Variants in SORCS2 observed in about 807,000 individuals in gnomAD.
SORCS2 encodes sortilin related VPS10 domain containing receptor 2.
A neutral mutation model predicts 141.6 loss-of-function variants in SORCS2; 100 were observed. The observed-to-expected ratio is 0.71, with a 90% CI of 0.60 to 0.83. SORCS2 has a LOEUF of 0.83. Among genes scored for constraint, SORCS2 ranks in the 40% least tolerant of loss-of-function variants. SORCS2 has a pLI of 0.00. For missense variants in SORCS2, 1,646 were observed against 1,560.2 expected, an observed-to-expected ratio of 1.05 and a Z score of -0.93; for synonymous variants, 789 against 676.9, an observed-to-expected ratio of 1.17 and a Z score of -2.57.
At chr4:7,195,022 G>T (rs1350063812) in intron 1 of SORCS2, among the ~76,000 whole-genome samples, 1 of 151,972 alleles carries the variant, frequency 6.6e-6, no homozygotes, top group African/African-American at 2.4e-5. Flanking sequence ...TCCTGGGAGA[G>T]AGTTGAGGAG....
chr4:7,461,818 T>G (rs2109324763), intron 2 of SORCS2, among the ~76,000 whole-genome samples: 1 of 152,076 alleles, frequency 6.6e-6, no homozygotes. Flanking sequence ...AACCCACACA[T>G]CAAGCCCCAC....
Position 7,615,887 on chromosome 4 carries a change from A to C in SORCS2, c.649-22441A>C, listed in dbSNP as rs145756191. Reference sequence around the variant, plus strand: ...ATAGGGCTGCCAGCTTAAACAAAGAACTTTTTAAAGGATGCACAGTTAAAT... The same window carrying C: ...ATAGGGCTGCCAGCTTAAACAAAGACCTTTTTAAAGGATGCACAGTTAAAT... On this transcript the variant is annotated intron_variant, in intron 3 of 26. Coordinates refer to ENST00000507866, the MANE Select transcript of SORCS2 (RefSeq NM_020777.3). Among the ~76,000 whole-genome samples, 268 of 152,330 alleles carry C rather than the reference A, an allele frequency of 1.8e-3. 4 individuals are homozygous for C. Among genetic ancestry groups the C allele is most frequent in the African/African-American group, 6.1e-3 (255 of 41,558 alleles).
At chr4:7,656,049 A>C (rs1459665171) in intron 5 of SORCS2, among the ~76,000 whole-genome samples, 1 of 152,218 alleles carries the variant, frequency 6.6e-6, no homozygotes, top group Non-Finnish European at 1.5e-5. Context: ...GCGTGGTGAC[A>C]GCGGTGGGGA....
At chr4:7,585,062 T>A (rs1009470049) in intron 3 of SORCS2, among the ~76,000 whole-genome samples, 3 of 151,846 alleles carry the variant, frequency 2.0e-5, no homozygotes, top group Admixed American at 2.0e-4. Flanking sequence ...CATGTCAGAG[T>A]CTCAGAAATT....
In SORCS2 at chr4:7,636,165, C is replaced by T. The variant is rs142985649; in HGVS notation, c.649-2163C>T. ...GCTTAAATGCCCCATTCTGCGTAGGCGCACCCTGCAGTGTGTGGCTAAGAA... is the reference window on the plus strand; with the variant it reads ...GCTTAAATGCCCCATTCTGCGTAGGTGCACCCTGCAGTGTGTGGCTAAGAA... On this transcript the variant is annotated intron_variant, in intron 3 of 26. Coordinates refer to ENST00000507866, the MANE Select transcript of SORCS2 (RefSeq NM_020777.3). Among the ~76,000 whole-genome samples the T allele has an allele frequency of 1.3e-3, 202 of 152,318 alleles. 1 individual carries two copies. The highest frequency in any genetic ancestry group is 4.7e-3 in the African/African-American group (194 of 41,556).
chr4:7,665,261 G>T (rs909856925), intron 7 of SORCS2, among the ~76,000 whole-genome samples: 2 of 152,254 alleles, frequency 1.3e-5, no homozygotes, highest in African/African-American at 4.8e-5. Flanking sequence ...TCTACACTCA[G>T]TCTGTGCCAA....
At chr4:7,382,041 G>C in intron 1 of SORCS2, 1 of 949,978 alleles carries the variant, frequency 1.1e-6, no homozygotes, top group Non-Finnish European at 1.3e-6. Context: ...GGTCAAAGAT[G>C]GGACCTCGTT....
intron 2 of SORCS2, among the ~76,000 whole-genome samples, chr4:7,495,049 G>A (rs1731528807): frequency 6.6e-6 from 1 of 152,242 alleles, no homozygotes; most frequent in East Asian, 1.9e-4. Flanking sequence ...GAAACAGAGA[G>A]GCAGAGCAAG....
chr4:7,251,347 T>A (rs1015511013), intron 1 of SORCS2, among the ~76,000 whole-genome samples: 2 of 152,188 alleles, frequency 1.3e-5, no homozygotes, highest in Non-Finnish European at 2.9e-5. Context: ...ACAAATTTTT[T>A]AAATTAAAAC....
intron 1 of SORCS2, among the ~76,000 whole-genome samples, chr4:7,203,322 G>T (rs1458798056): frequency 1.3e-5 from 2 of 152,244 alleles, no homozygotes; most frequent in African/African-American, 4.8e-5. Context: ...TGCTTGGAAG[G>T]CTGAGGCAGA....
intron 2 of SORCS2, among the ~76,000 whole-genome samples, chr4:7,412,506 C>T (rs889372069): frequency 3.3e-5 from 5 of 152,132 alleles, no homozygotes; most frequent in African/African-American, 1.2e-4. Context: ...CCCATAAGAT[C>T]GTCTCAGATG....
intron 1 of SORCS2, among the ~76,000 whole-genome samples, chr4:7,222,774 A>G (rs970836340): frequency 7.2e-5 from 11 of 151,798 alleles, no homozygotes; most frequent in Non-Finnish European, 1.3e-4. Context: ...GGGCGTACAG[A>G]TCTGTGTGGG....
Position 7,286,684 on chromosome 4 carries a change from G to C in SORCS2, c.480+93558G>C, listed in dbSNP as rs1223309553. ...TGAGAGAGAGCTGGGACTCGACTCTGGGCCTCCTGCCTTCTGGCCTGGCAC... is the reference window on the plus strand; with the variant it reads ...TGAGAGAGAGCTGGGACTCGACTCTCGGCCTCCTGCCTTCTGGCCTGGCAC... On this transcript the variant is annotated intron_variant, in intron 1 of 26. Coordinates refer to ENST00000507866, the MANE Select transcript of SORCS2 (RefSeq NM_020777.3). The surrounding 1 kb of genome is among the most constrained non-coding windows in gnomAD (Gnocchi z 4.1). 6.6e-6 allele frequency among the ~76,000 whole-genome samples: 1 copy of C among 152,186 alleles called. No homozygotes were observed. Among genetic ancestry groups the C allele is most frequent in the Non-Finnish European group, 1.5e-5 (1 of 68,028 alleles).
chr4:7,548,726 C>T lies in SORCS2; in HGVS notation c.648+17097C>T, dbSNP rs1713458884. Reference sequence around the variant, plus strand: ...GAGAGGGCACAGCAACAGGAATGGTCACACCCAGTGGGCTGGCCAGCATCC... The same window carrying T: ...GAGAGGGCACAGCAACAGGAATGGTTACACCCAGTGGGCTGGCCAGCATCC... On this transcript the variant is annotated intron_variant, in intron 3 of 26. Coordinates refer to ENST00000507866, the MANE Select transcript of SORCS2 (RefSeq NM_020777.3). 6.6e-5 allele frequency among the ~76,000 whole-genome samples: 10 copies of T among 152,054 alleles called. No individual in the cohort carries two copies. The South Asian group carries it at 2.1e-3, about 32-fold the overall frequency.
chr4:7,723,590 A>G, intron 18 of SORCS2, 107 bp from the exon 19 acceptor site: 4 of 1,260,996 alleles, frequency 3.2e-6, no homozygotes, highest in African/African-American at 1.5e-5. Context: ...CAAGGAAGGG[A>G]GGGCGGCAAT....
intron 2 of SORCS2, among the ~76,000 whole-genome samples, chr4:7,500,688 T>C (rs546499100): frequency 6.6e-6 from 1 of 151,568 alleles, no homozygotes; most frequent in South Asian, 2.1e-4. Flanking sequence ...ACTGTGGGTG[T>C]GATAGAGAGG....
intron 3 of SORCS2, among the ~76,000 whole-genome samples, chr4:7,616,191 C>T (rs115800699): frequency 1.1e-3 from 162 of 152,190 alleles, no homozygotes; most frequent in African/African-American, 3.6e-3. Flanking sequence ...TCATACCTAG[C>T]CAAATAATTA....
At chr4:7,262,781 G>A (rs1714449224) in intron 1 of SORCS2, among the ~76,000 whole-genome samples, 1 of 152,198 alleles carries the variant, frequency 6.6e-6, no homozygotes, top group African/African-American at 2.4e-5. Flanking sequence ...CCCTTTCCAT[G>A]CCTCCTGGGT....
intron 2 of SORCS2, among the ~76,000 whole-genome samples, chr4:7,421,264 G>T (rs1726026466): frequency 6.6e-6 from 1 of 152,232 alleles, no homozygotes. Flanking sequence ...GAGAGTCCCT[G>T]TTCCCACAGC....
Sources: allele counts gnomAD v4.1 joint callset (sites outside exome capture counted in the v4.1 genomes callset), GRCh38; gene constraint gnomAD v4.1.1; non-coding constraint Gnocchi (gnomAD v3.1); transcripts MANE v1.5; gene names NCBI Gene and HGNC (gene_info 2026-07-23, HGNC 2026-07-21).